PAK4: variants seen among roughly 807,000 people sequenced by gnomAD.
PAK4 encodes the protein serine/threonine-protein kinase PAK 4.
A neutral mutation model predicts 53.5 loss-of-function variants in PAK4; 49 were observed. The ratio of observed to expected loss-of-function variants is 0.92; its 90% CI spans 0.73 to 1.16. PAK4 has a LOEUF of 1.16. Among genes scored for constraint, PAK4 ranks in the 50% most tolerant of loss-of-function variants. PAK4 has a pLI of 0.00. For synonymous variants in PAK4, 376 were observed against 375.6 expected, an observed-to-expected ratio of 1.00 and a Z score of -0.01; for missense variants, 824 against 850.7, an observed-to-expected ratio of 0.97 and a Z score of 0.39.
At chr19:39,133,181 G>A (rs747956062) in intron 1 of PAK4, among the ~76,000 whole-genome samples, 1 of 152,208 alleles carries the variant, frequency 6.6e-6, no homozygotes, top group Non-Finnish European at 1.5e-5. Context: ...CTGTGCCCGG[G>A]TGTCCTCATC....
chr19:39,176,442 TCTAGACCCCAGCTCTGACC>T (rs1029746858), intron 6 of PAK4, 129 bp from the exon 8 acceptor site: 84 of 1,068,538 alleles, frequency 7.9e-5, no homozygotes, highest in Admixed American at 2.9e-4. Context: ...TTGGTCTGGC[TCTAGACCCCAGCTCTGACC>T]CTAGACCCCA....
Position 39,174,863 on chromosome 19 carries a change from G to T in PAK4, c.1099-68G>T, listed in dbSNP as rs1262288237. The T allele has an allele frequency of 5.0e-6, 8 of 1,586,396 alleles. No homozygotes were observed. The East Asian group carries it at 1.8e-4, about 36-fold the overall frequency. ...GAACTGCAGGGGGAGCCAGGGGGGT[G>T]GCGGTGGCTGGGTCTGGCACTGGCA... is the stretch of plus-strand genomic sequence containing the variant. On this transcript the variant is annotated intron_variant, in intron 4 of 8. Transcript: ENST00000358301.
At chr19:39,139,791 T>C (rs1037459425) in intron 1 of PAK4, among the ~76,000 whole-genome samples, 1 of 152,220 alleles carries the variant, frequency 6.6e-6, no homozygotes, top group African/African-American at 2.4e-5. Flanking sequence ...CATTTGAAGC[T>C]GACTGTACAG....
intron 1 of PAK4, among the ~76,000 whole-genome samples, chr19:39,162,820 C>T (rs966118914): frequency 1.3e-5 from 2 of 151,978 alleles, no homozygotes; most frequent in Non-Finnish European, 1.5e-5. Flanking sequence ...GTGCGTGGGT[C>T]GATGCGTGGG....
intron 1 of PAK4, among the ~76,000 whole-genome samples, chr19:39,158,779 G>A (rs1207233429): frequency 4.6e-5 from 7 of 152,118 alleles, no homozygotes; most frequent in Non-Finnish European, 7.4e-5. Context: ...TGCCCTCCTG[G>A]GTCTCCCAGT....
intron 1 of PAK4, among the ~76,000 whole-genome samples, chr19:39,162,768 G>A (rs2074305854): frequency 6.6e-6 from 1 of 152,202 alleles, no homozygotes; most frequent in Admixed American, 6.5e-5. Flanking sequence ...ACTGCTATGG[G>A]CCCCAGGCCC....
chr19:39,132,414 C>T (rs2073730045), intron 1 of PAK4, among the ~76,000 whole-genome samples: 2 of 152,256 alleles, frequency 1.3e-5, no homozygotes, highest in Non-Finnish European at 1.5e-5. Flanking sequence ...CAAGTGCCCG[C>T]CCCTCCCTTT....
downstream of PAK4, chr19:39,181,161 T>G (rs1416756509): frequency 6.6e-6 from 1 of 152,282 alleles, no homozygotes; most frequent in Non-Finnish European, 1.5e-5. Flanking sequence ...CTAGGCTGGT[T>G]TCGAACTCCT....
At chr19:39,146,560 A>G (rs957254793) in intron 1 of PAK4, among the ~76,000 whole-genome samples, 4 of 152,230 alleles carry the variant, frequency 2.6e-5, no homozygotes, top group African/African-American at 9.6e-5. Context: ...CAGAATGGCC[A>G]GGCGCAGTGG....
chr19:39,182,191 C>A, downstream of PAK4: 1 of 152,366 alleles, frequency 6.6e-6, no homozygotes. Flanking sequence ...CTGCCTCTCC[C>A]ATGTCGTATT....
At chr19:39,164,738 T>A (rs1300627122) in intron 1 of PAK4, among the ~76,000 whole-genome samples, 1 of 152,108 alleles carries the variant, frequency 6.6e-6, no homozygotes, top group Non-Finnish European at 1.5e-5. Context: ...CTCGGTGAGC[T>A]TAGTGAGAGA....
intron 1 of PAK4, among the ~76,000 whole-genome samples, chr19:39,135,994 C>T (rs1020926893): frequency 6.7e-6 from 1 of 149,194 alleles, no homozygotes; most frequent in Non-Finnish European, 1.5e-5. Context: ...CACTCCCCTT[C>T]CTCGTCATCC....
rs1004288084 is a variant in PAK4 at position 39,161,107 on chromosome 19, C to T, written c.-22-8425C>T. On this transcript the variant is annotated intron_variant, in intron 1 of 8. Transcript: ENST00000358301. This position sits in a 1 kb window ranked among gnomAD's most constrained non-coding sequence, Gnocchi z 4.5. ...GCACCCAGCACTGTTTAGAGGGCTC[C>T]GCGTGGCCTGGTCTGTGTGCCTGGC... 5.3e-5 allele frequency among the ~76,000 whole-genome samples: 8 copies of T among 152,212 alleles called. No homozygotes were observed. The highest frequency in any genetic ancestry group is 9.6e-5 in the African/African-American group (4 of 41,458).
chr19:39,159,085 C>T (rs1442560218), intron 1 of PAK4, among the ~76,000 whole-genome samples: 1 of 152,136 alleles, frequency 6.6e-6, no homozygotes, highest in Non-Finnish European at 1.5e-5. Flanking sequence ...ACTATCACTA[C>T]CCCCAGTTTG....
downstream of PAK4, chr19:39,180,378 G>C (rs568722065): frequency 6.6e-6 from 1 of 151,410 alleles, no homozygotes; most frequent in Admixed American, 6.6e-5. Context: ...CAAAATAACT[G>C]TCTCCTCACT....
At chr19:39,151,246 A>T (rs2074089398) in intron 1 of PAK4, among the ~76,000 whole-genome samples, 1 of 152,218 alleles carries the variant, frequency 6.6e-6, no homozygotes, top group African/African-American at 2.4e-5. Flanking sequence ...GGACATTCTG[A>T]TGGCTTTTAT....
Position 39,175,125 on chromosome 19 carries a change from G to T in PAK4, c.1232+61G>T, listed in dbSNP as rs2074576324. On this transcript the variant is annotated intron_variant, in intron 5 of 8. Transcript: ENST00000358301. The surrounding 1 kb of genome is among the most constrained non-coding windows in gnomAD (Gnocchi z 4.7). ...ACCAAGTCCCCTCCAGACCACTAGG[G>T]GTGGGGCCACATCTCCAAACCAGCT... is the stretch of plus-strand genomic sequence containing the variant. 1 of 1,554,558 alleles carries T rather than the reference G, an allele frequency of 6.4e-7. No individual in the cohort carries two copies. The highest frequency in any genetic ancestry group is 1.2e-5 in the South Asian group (1 of 81,774).
intron 1 of PAK4, among the ~76,000 whole-genome samples, chr19:39,138,544 G>GT (rs2073858995): frequency 6.6e-6 from 1 of 152,176 alleles, no homozygotes; most frequent in Admixed American, 6.5e-5. Context: ...CTCTTGTGGG[G>GT]TTTTTCCCAG....
chr19:39,157,744 G>A lies in PAK4; in HGVS notation c.-22-11788G>A, dbSNP rs375787020. On this transcript the variant is annotated intron_variant, in intron 1 of 8. Transcript: ENST00000358301. ...GCCGCCGCGAGGTGCTCAGGATGTT[G>A]TAGGGTTGAGGGTGGATTGCTGCTG... 5.1e-4 allele frequency among the ~76,000 whole-genome samples: 78 copies of A among 152,390 alleles called. 1 individual carries two copies. In the South Asian group the frequency reaches 0.015, roughly 29 times the overall value.
Sources: allele counts gnomAD v4.1 joint callset (sites outside exome capture counted in the v4.1 genomes callset), GRCh38; gene constraint gnomAD v4.1.1; non-coding constraint Gnocchi (gnomAD v3.1); transcripts MANE v1.5; gene names NCBI Gene and HGNC (gene_info 2026-07-23, HGNC 2026-07-21).